NRG3: variants seen among roughly 807,000 people sequenced by gnomAD.
The protein encoded by NRG3 is neuregulin 3.
A neutral mutation model predicts 66.9 loss-of-function variants in NRG3; 31 were observed. The ratio of observed to expected loss-of-function variants is 0.46; its 90% CI spans 0.35 to 0.63. The LOEUF is 0.63. NRG3 is among the 20% of genes least tolerant of loss of function. NRG3 has a pLI of 0.00. For synonymous variants in NRG3, 393 were observed against 359.4 expected, an observed-to-expected ratio of 1.09 and a Z score of -1.06; for missense variants, 910 against 878.9, an observed-to-expected ratio of 1.04 and a Z score of -0.45.
chr10:82,768,836 G>A (rs541719126), intron 3 of NRG3, among the ~76,000 whole-genome samples: 1 of 152,178 alleles, frequency 6.6e-6, no homozygotes, highest in East Asian at 1.9e-4. Flanking sequence ...CTAGGAAATA[G>A]CTTTTTTGTG....
chr10:82,151,936 A>C (rs547092034), intron 1 of NRG3, among the ~76,000 whole-genome samples: 8 of 152,032 alleles, frequency 5.3e-5, no homozygotes, highest in African/African-American at 1.9e-4. Flanking sequence ...GTAATAGTAC[A>C]TGTTTTTTTA....
In NRG3 at chr10:82,847,721, C is replaced by T. The variant is rs544646613; in HGVS notation, c.1028-17690C>T. 7.0e-4 allele frequency among the ~76,000 whole-genome samples: 107 copies of T among 152,192 alleles called. 1 individual carries two copies. The highest frequency in any genetic ancestry group is 6.8e-3 in the Middle Eastern group (2 of 294). ...GAGACTGAAAATTTATTTAGGGCAC[C>T]GACCATGTCTTCAACACTTTTGCAT... On this transcript the variant is annotated intron_variant, in intron 3 of 8. Transcript: ENST00000372141.
intron 1 of NRG3, among the ~76,000 whole-genome samples, chr10:81,949,796 C>T (rs969949738): frequency 2.6e-5 from 4 of 152,178 alleles, no homozygotes; most frequent in African/African-American, 4.8e-5. Context: ...TATTCAGAAA[C>T]ATTAAAGTCC....
intron 1 of NRG3, among the ~76,000 whole-genome samples, chr10:82,287,383 A>G (rs2079479175): frequency 6.6e-6 from 1 of 151,894 alleles, no homozygotes; most frequent in South Asian, 2.1e-4. Flanking sequence ...TGATGCCAGT[A>G]CCATGCTTCC....
intron 2 of NRG3, among the ~76,000 whole-genome samples, chr10:82,566,842 A>G (rs2045441521): frequency 6.6e-6 from 1 of 152,024 alleles, no homozygotes; most frequent in South Asian, 2.1e-4. Context: ...GGGCTTTGTT[A>G]GTGGGAGGTT....
intron 1 of NRG3, among the ~76,000 whole-genome samples, chr10:82,021,225 G>A (rs966573854): frequency 2.0e-5 from 3 of 152,022 alleles, no homozygotes; most frequent in African/African-American, 4.8e-5. Flanking sequence ...GTGCAACGAC[G>A]GTGTTGATGA....
At chr10:82,494,737 G>A (rs1843459634) in intron 2 of NRG3, among the ~76,000 whole-genome samples, 1 of 152,028 alleles carries the variant, frequency 6.6e-6, no homozygotes, top group South Asian at 2.1e-4. Context: ...AAGACCCTTT[G>A]TTAATAATCA....
At chr10:82,098,054 T>TACACACACAC (rs61481796) in intron 1 of NRG3, among the ~76,000 whole-genome samples, 2 of 146,802 alleles carry the variant, frequency 1.4e-5, no homozygotes, top group South Asian at 2.2e-4. Flanking sequence ...GCCACATATA[T>TACACACACAC]ACACACACAC....
intron 1 of NRG3, among the ~76,000 whole-genome samples, chr10:82,215,843 T>C (rs1016210425): frequency 6.6e-6 from 1 of 152,104 alleles, no homozygotes; most frequent in Non-Finnish European, 1.5e-5. Context: ...CCTTTATAAA[T>C]AGTTAAAATA....
chr10:82,146,162 C>A (rs747144099), intron 1 of NRG3, among the ~76,000 whole-genome samples: 1 of 152,118 alleles, frequency 6.6e-6, no homozygotes, highest in Non-Finnish European at 1.5e-5. Flanking sequence ...TTAAAGCCTG[C>A]TTTTGTTTCT....
chr10:81,994,978 T>C (rs567156002), intron 1 of NRG3, among the ~76,000 whole-genome samples: 1 of 152,300 alleles, frequency 6.6e-6, no homozygotes, highest in Admixed American at 6.5e-5. Flanking sequence ...TGTTCCATTT[T>C]GCTGTCTTTT....
intron 1 of NRG3, among the ~76,000 whole-genome samples, chr10:82,222,227 A>G (rs1035768658): frequency 2.0e-5 from 3 of 152,000 alleles, no homozygotes. Flanking sequence ...CTAAACTTCA[A>G]TATTATCTGG....
intron 1 of NRG3, among the ~76,000 whole-genome samples, chr10:82,240,248 AAG>A (rs202213463): frequency 0.015 from 2,246 of 152,250 alleles, 53 homozygotes; most frequent in African/African-American, 0.048. Context: ...ACTGAAATTA[AAG>A]AGAAATTCTC....
At chr10:82,240,441 G>A (rs60536579) in intron 1 of NRG3, among the ~76,000 whole-genome samples, 20,706 of 152,162 alleles carry the variant, frequency 0.14, 1,488 homozygotes, top group African/African-American at 0.15. Context: ...CTAAATGATG[G>A]TTGCTTAAGA....
At chr10:82,507,542 G>A (rs1231097494) in intron 2 of NRG3, among the ~76,000 whole-genome samples, 1 of 152,170 alleles carries the variant, frequency 6.6e-6, no homozygotes, top group Non-Finnish European at 1.5e-5. Context: ...AAAGCCTGTA[G>A]CTGGAGTGTG....
intron 2 of NRG3, 146 bp from the exon 3 acceptor site, chr10:82,738,431 G>A (rs763897218): frequency 2.3e-5 from 15 of 650,466 alleles, no homozygotes; most frequent in Non-Finnish European, 4.1e-5. Context: ...TCTGCCTGTT[G>A]AGGTCAGAAA....
Position 82,738,584 on chromosome 10 carries a change from G to A in NRG3, c.961G>A (p.Glu321Lys). The A allele has an allele frequency of 6.2e-7, 1 of 1,614,056 alleles. No individual in the cohort carries two copies. Among genetic ancestry groups the A allele is most frequent in the East Asian group, 2.2e-5 (1 of 44,866 alleles). Reference protein sequence around the residue: ...TGSHKHCRCKEGYQGVRCDQF... With the variant: ...TGSHKHCRCKKGYQGVRCDQF... ...TTTATCCCCTTTTCTCAGGTGCAAA[G>A]AAGGCTACCAAGGAGTCCGTTGTGA... The change falls in exon 3 of 9, where the codon GAA (glutamate) becomes AAA (lysine). Residue 321 changes from glutamate to lysine, a missense_variant. Coordinates refer to ENST00000372141, the MANE Select transcript of NRG3 (RefSeq NM_001010848.4).
chr10:81,944,818 C>G (rs754098534), intron 1 of NRG3, among the ~76,000 whole-genome samples: 9 of 152,224 alleles, frequency 5.9e-5, no homozygotes, highest in Admixed American at 1.3e-4. Flanking sequence ...GCACCCATGG[C>G]ACATTTTCAA....
chr10:82,026,277 T>C (rs569034864), intron 1 of NRG3, among the ~76,000 whole-genome samples: 1 of 152,100 alleles, frequency 6.6e-6, no homozygotes, highest in East Asian at 1.9e-4. Context: ...GAGCTGTCAT[T>C]ACAGAACCAT....
Sources: gnomAD v4.1 joint callset for allele counts (sites outside exome capture counted in the v4.1 genomes callset) on GRCh38, gnomAD v4.1.1 for gene constraint, MANE v1.5 for transcripts, NCBI Gene and HGNC (gene_info 2026-07-23, HGNC 2026-07-21) for gene names.